Variants in CCDC69 observed in about 807,000 individuals in gnomAD.
CCDC69 encodes the protein coiled-coil domain-containing protein 69.
CCDC69 carries 38 observed loss-of-function variants against 40.3 expected under a neutral mutation model. The ratio of observed to expected loss-of-function variants is 0.94; its 90% CI spans 0.73 to 1.24. The LOEUF is 1.24. Among genes scored for constraint, CCDC69 ranks in the 50% most tolerant of loss-of-function variants. The probability of loss-of-function intolerance (pLI) is 0.00; values close to 1 mark genes in which losing one functional copy is unlikely to be tolerated. For synonymous variants in CCDC69, 141 were observed against 138.9 expected (o/e 1.02, Z -0.11); for missense variants, 389 against 357.9 (o/e 1.09, Z -0.70).
At position 151,201,637 on chromosome 5, in the gene CCDC69, T is replaced by G; in HGVS notation, c.176A>C (p.Asp59Ala). ...ATGTTGCTGGAGAATTCTGGTTATA[T>G]CCTTCTGGTGCCGCTCAGCCTCCTC... ...ASEEAERHQK[D>A]ITRILQQHEE... The change falls in exon 3 of 9, where the codon GAT becomes GCT. Residue 59 changes from aspartate (D) to alanine (A), a missense_variant. Transcript: ENST00000355417. The G allele has an allele frequency of 6.2e-7, 1 of 1,613,780 alleles. No homozygotes were observed. Among genetic ancestry groups the G allele is most frequent in the Non-Finnish European group, 8.5e-7 (1 of 1,179,836 alleles).
chr5:151,224,029 C>G lies in CCDC69; in HGVS notation c.-59G>C. On this transcript the variant is annotated 5_prime_UTR_variant, in exon 1 of 9. Transcript: ENST00000355417. ...ACTCCGGGGCCCCCAGAGGAGCCTG[C>G]GATCCGGGCCCCGCTGCCCGCTCCG... The G allele has an allele frequency of 6.9e-7, 1 of 1,440,986 alleles. No individual in the cohort carries two copies. Among genetic ancestry groups the G allele is most frequent in the Non-Finnish European group, 9.3e-7 (1 of 1,077,480 alleles). 89.3% of individuals were successfully genotyped at this position (1,440,986 alleles called of 1,614,324 possible).
At chr5:151,207,363 C>T (rs1276180273) in intron 1 of CCDC69, among the ~76,000 whole-genome samples, 3 of 152,110 alleles carry the variant, frequency 2.0e-5, no homozygotes, top group Admixed American at 1.3e-4. Flanking sequence ...GCAATCTCAG[C>T]TCACTGCAAG....
chr5:151,223,720 A>G (rs1753170899), intron 1 of CCDC69, among the ~76,000 whole-genome samples: 1 of 151,864 alleles, frequency 6.6e-6, no homozygotes, highest in Non-Finnish European at 1.5e-5. Context: ...GTGTTTGTAA[A>G]CTCGGCTGCT....
chr5:151,187,572 G>T, intron 4 of CCDC69, 113 bp from the exon 5 acceptor site: 1 of 821,576 alleles, frequency 1.2e-6, no homozygotes. Flanking sequence ...TAGAGGCCAG[G>T]AGTCTAGGAA....
chr5:151,217,125 C>T (rs895880379), intron 1 of CCDC69, among the ~76,000 whole-genome samples: 14 of 152,178 alleles, frequency 9.2e-5, no homozygotes, highest in Non-Finnish European at 1.6e-4. Flanking sequence ...TCCAAATACC[C>T]TGACTTGATC....
At chr5:151,184,493 G>A in intron 7 of CCDC69, 52 bp from the exon 8 acceptor site, 1 of 1,171,790 alleles carries the variant, frequency 8.5e-7, no homozygotes, top group Non-Finnish European at 1.3e-6. Context: ...GCTGCACGAT[G>A]TGTGCTGTCA....
At chr5:151,222,966 TG>T (rs1235480281) in intron 1 of CCDC69, among the ~76,000 whole-genome samples, 1 of 152,138 alleles carries the variant, frequency 6.6e-6, no homozygotes, top group Non-Finnish European at 1.5e-5. Context: ...TATTAAACAC[TG>T]TCACAGTTTG....
intron 8 of CCDC69, 52 bp from the exon 9 acceptor site, chr5:151,183,666 A>G (rs1766678260): frequency 1.3e-6 from 2 of 1,508,806 alleles, no homozygotes; most frequent in Non-Finnish European, 1.8e-6. Flanking sequence ...GCTGCCACAG[A>G]GACCAACCCA....
At chr5:151,193,058 G>A (rs183966223) in intron 4 of CCDC69, among the ~76,000 whole-genome samples, 21 of 152,284 alleles carry the variant, frequency 1.4e-4, no homozygotes, top group African/African-American at 4.8e-4. Context: ...ATGGAAGGAT[G>A]TACATAGGTT....
intron 4 of CCDC69, 99 bp downstream of exon 4, chr5:151,198,898 C>G: frequency 1.2e-6 from 1 of 862,046 alleles, no homozygotes; most frequent in Non-Finnish European, 2.0e-6. Context: ...ATCAGACAGA[C>G]AGGGAGGGAA....
rs1175404192 is a variant in CCDC69 at position 151,181,865 on chromosome 5, C to A, written c.*1572G>T. ...CGAGGCTCCTGGGTGACCTGTCTGACCATGGCTGGAGAATCAGCACAGCAC... is the reference window on the plus strand; with the variant it reads ...CGAGGCTCCTGGGTGACCTGTCTGAACATGGCTGGAGAATCAGCACAGCAC... On this transcript the variant is annotated 3_prime_UTR_variant, in exon 9 of 9. Coordinates refer to ENST00000355417, the MANE Select transcript of CCDC69 (RefSeq NM_015621.3). The A allele has an allele frequency of 6.6e-6, 1 of 152,242 alleles. No homozygotes were observed. The highest frequency in any genetic ancestry group is 1.5e-5 in the Non-Finnish European group (1 of 68,064). 9.4% of individuals were successfully genotyped at this position (152,242 alleles called of 1,614,324 possible).
chr5:151,212,892 A>G (rs1752973289), intron 1 of CCDC69: 1 of 456,122 alleles, frequency 2.2e-6, no homozygotes, highest in African/African-American at 2.0e-5. Flanking sequence ...ACAAACTGGT[A>G]GGCTGCCTCA....
chr5:151,220,703 C>T (rs996396609), intron 1 of CCDC69, among the ~76,000 whole-genome samples: 12 of 152,094 alleles, frequency 7.9e-5, no homozygotes, highest in African/African-American at 2.2e-4. Context: ...CCACAGCCTT[C>T]GGGAATGGAG....
In CCDC69 at chr5:151,183,313, C is replaced by G. The variant is rs1766670914; in HGVS notation, c.*124G>C. On this transcript the variant is annotated 3_prime_UTR_variant, in exon 9 of 9. Transcript: ENST00000355417. Reference sequence around the variant, plus strand: ...GGCTCACTGGGCACACACCCAGGATCTCCATCTCGCTCCCACCCTCGTTCC... The same window carrying G: ...GGCTCACTGGGCACACACCCAGGATGTCCATCTCGCTCCCACCCTCGTTCC... 9.1e-7 allele frequency: 1 copy of G among 1,099,572 alleles called. No homozygotes were observed. Among genetic ancestry groups the G allele is most frequent in the African/African-American group, 1.6e-5 (1 of 64,072 alleles). The allele number at this position is 1,099,572 out of a possible 1,614,324, so 68.1% of individuals were successfully genotyped here. A position where few individuals can be genotyped will look rare whatever the true frequency, so the allele number is the denominator to read the frequency against.
intron 4 of CCDC69, among the ~76,000 whole-genome samples, chr5:151,189,119 G>C (rs1204821683): frequency 7.9e-5 from 12 of 152,194 alleles, no homozygotes; most frequent in Non-Finnish European, 8.8e-5. Context: ...AGATCCTATA[G>C]ATGTAGGAAT....
intron 1 of CCDC69, among the ~76,000 whole-genome samples, chr5:151,215,882 T>C (rs1753031089): frequency 6.6e-6 from 1 of 152,264 alleles, no homozygotes; most frequent in Non-Finnish European, 1.5e-5. Context: ...CTCAGGGACA[T>C]AATACTATGT....
intron 1 of CCDC69, chr5:151,212,611 A>T: frequency 2.7e-6 from 1 of 364,896 alleles, no homozygotes; most frequent in Non-Finnish European, 5.4e-6. Flanking sequence ...TTTAGAGGGT[A>T]AACTGACACA....
chr5:151,187,611 G>A, intron 4 of CCDC69, 152 bp from the exon 5 acceptor site: 1 of 623,962 alleles, frequency 1.6e-6, no homozygotes, highest in South Asian at 1.9e-5. Flanking sequence ...TGTCTCCTAG[G>A]CTTGCTTGGG....
intron 1 of CCDC69, among the ~76,000 whole-genome samples, chr5:151,210,063 C>T (rs1752908739): frequency 6.6e-6 from 1 of 152,166 alleles, no homozygotes; most frequent in Non-Finnish European, 1.5e-5. Flanking sequence ...AATGATATTA[C>T]ATATACTTCC....
Sources: gnomAD v4.1 joint callset for allele counts (sites outside exome capture counted in the v4.1 genomes callset) on GRCh38, gnomAD v4.1.1 for gene constraint, MANE v1.5 for transcripts, NCBI Gene and HGNC (gene_info 2026-07-23, HGNC 2026-07-21) for gene names.